The following ERG variants were observed in gnomAD, a reference collection of about 807,000 sequenced individuals.
The protein encoded by ERG is transcriptional regulator ERG.
A neutral mutation model predicts 55.3 loss-of-function variants in ERG; 9 were observed. That is an observed-to-expected ratio of 0.16 (90% CI 0.10 to 0.28). The LOEUF is 0.28. Among genes scored for constraint, ERG ranks in the 10% least tolerant of loss-of-function variants. The pLI is 1.00. For missense variants in ERG, 434 were observed against 631.6 expected (o/e 0.69, Z 3.35); for synonymous variants, 223 against 237.3 (o/e 0.94, Z 0.55).
chr21:38,587,799 G>A (rs1450634211), upstream of ERG, among the ~76,000 whole-genome samples: 3 of 152,192 alleles, frequency 2.0e-5, no homozygotes, highest in African/African-American at 7.2e-5. Flanking sequence ...AGTTTTAAAA[G>A]CGTGAACTAA....
chr21:38,499,831 G>A, upstream of ERG, among the ~76,000 whole-genome samples: 1 of 143,470 alleles, frequency 7.0e-6, no homozygotes, highest in East Asian at 2.2e-4. Flanking sequence ...AAGGAAGGAG[G>A]ATGGGAGGAA....
At chr21:38,446,886 C>A (rs1388993087) in intron 1 of ERG, among the ~76,000 whole-genome samples, 1 of 152,098 alleles carries the variant, frequency 6.6e-6, no homozygotes, top group Non-Finnish European at 1.5e-5. Flanking sequence ...TACCATCTGC[C>A]TTCTCCTTGC....
chr21:38,568,886 C>G (rs1346739206), intron 2 of ERG, among the ~76,000 whole-genome samples: 1 of 152,208 alleles, frequency 6.6e-6, no homozygotes, highest in Non-Finnish European at 1.5e-5. Flanking sequence ...CTGGAAGAGA[C>G]AGCAAGGTGT....
intron 1 of ERG, among the ~76,000 whole-genome samples, chr21:38,625,915 CTTTTTTTTT>C (rs397797559): frequency 2.4e-5 from 2 of 84,430 alleles, no homozygotes; most frequent in African/African-American, 5.0e-5. Context: ...ACTTGAAGCT[CTTTTTTTTT>C]TTTTTTTTTT....
chr21:38,426,990 C>T (rs1421018624), intron 2 of ERG, among the ~76,000 whole-genome samples: 2 of 151,974 alleles, frequency 1.3e-5, no homozygotes, highest in Non-Finnish European at 2.9e-5. Flanking sequence ...TTCAGACCAA[C>T]CCCTTTTTCA....
intron 6 of ERG, among the ~76,000 whole-genome samples, chr21:38,399,678 T>A (rs1452229541): frequency 6.6e-6 from 1 of 152,324 alleles, no homozygotes; most frequent in East Asian, 1.9e-4. Context: ...TAATTCCCCT[T>A]TGCCATGTGG....
At chr21:38,403,302 G>A (rs1015310014) in intron 4 of ERG, among the ~76,000 whole-genome samples, 10 of 152,116 alleles carry the variant, frequency 6.6e-5, no homozygotes, top group Admixed American at 4.6e-4. Flanking sequence ...TCCTGAGAGC[G>A]CTGACTACTT....
At chr21:38,656,380 A>T (rs2060519136) in intron 1 of ERG, among the ~76,000 whole-genome samples, 1 of 152,150 alleles carries the variant, frequency 6.6e-6, no homozygotes, top group African/African-American at 2.4e-5. Flanking sequence ...TAAGTAACAG[A>T]TTTACTAAGA....
At chr21:38,428,302 T>G (rs1338132630) in intron 2 of ERG, among the ~76,000 whole-genome samples, 2 of 152,186 alleles carry the variant, frequency 1.3e-5, no homozygotes, top group Admixed American at 6.5e-5. Flanking sequence ...CAAGAAAAGA[T>G]CCACACTGCA....
At position 38,392,391 on chromosome 21, in the gene ERG, TG is replaced by T; in HGVS notation, c.798del (p.Thr267ArgfsTer24). On this transcript the variant is annotated frameshift_variant, in exon 7 of 10. Coordinates refer to ENST00000288319, the MANE Select transcript of ERG (RefSeq NM_182918.4). LOFTEE classifies it high-confidence loss of function. Reference protein sequence around the residue: ...RRSAWTGHGHPTPQSKAAQPS... With the variant: ...RRSAWTGHGHXTPQSKAAQPS... The stretch of plus-strand genomic sequence containing the variant: ...AACACTGTACCTTTCGACTGGGGCG[TG>T]GGGTGGCCGTGACCGGTCCAGGCTG... The T allele has an allele frequency of 6.4e-7, 1 of 1,567,208 alleles. No homozygotes were observed. The highest frequency in any genetic ancestry group is 8.7e-7 in the Non-Finnish European group (1 of 1,154,282).
chr21:38,390,014 C>T (rs1351152196), intron 9 of ERG, among the ~76,000 whole-genome samples: 10 of 152,174 alleles, frequency 6.6e-5, no homozygotes, highest in African/African-American at 1.4e-4. Flanking sequence ...TTGGCCTCAA[C>T]GTTTAGGAAA....
upstream of ERG, among the ~76,000 whole-genome samples, chr21:38,499,049 C>T (rs1371863103): frequency 2.6e-5 from 4 of 152,190 alleles, no homozygotes; most frequent in African/African-American, 9.7e-5. Flanking sequence ...CTTCCAAATA[C>T]CTGCACTTTT....
At chr21:38,518,002 T>C (rs1462083642) in intron 2 of ERG, among the ~76,000 whole-genome samples, 1 of 152,058 alleles carries the variant, frequency 6.6e-6, no homozygotes, top group Non-Finnish European at 1.5e-5. Context: ...GGTACAAACA[T>C]ACAGTTAGAT....
At chr21:38,597,476 C>CACACAA (rs758100787) in intron 1 of ERG, among the ~76,000 whole-genome samples, 15 of 151,294 alleles carry the variant, frequency 9.9e-5, no homozygotes, top group Non-Finnish European at 1.3e-4. Flanking sequence ...TATATCTACA[C>CACACAA]ACACACACAC....
At chr21:38,518,234 GTGTATCTATCTATCTATC>G (rs995542744) in intron 2 of ERG, among the ~76,000 whole-genome samples, 2 of 134,972 alleles carry the variant, frequency 1.5e-5, no homozygotes, top group African/African-American at 5.5e-5. Context: ...ATGTGTGTGT[GTGTATCTATCTATCTATC>G]TATCTATCTA....
chr21:38,383,934 C>A lies in ERG; in HGVS notation c.920-11G>T. 1 of 1,604,998 alleles carries A rather than the reference C, an allele frequency of 6.2e-7. No homozygotes were observed. The highest frequency in any genetic ancestry group is 1.1e-5 in the South Asian group (1 of 90,552). On this transcript the variant is annotated splice_polypyrimidine_tract_variant and intron_variant, in intron 9 of 9. Coordinates refer to ENST00000288319, the MANE Select transcript of ERG (RefSeq NM_182918.4). The surrounding 1 kb of genome is among the most constrained non-coding windows in gnomAD (Gnocchi z 5.7). ...GGATCTGGCCACTGCCTAATGAGGT[C>A]AGGAGAGGAAGGAAAACTCCAGTGA... is the stretch of plus-strand genomic sequence containing the variant.
chr21:38,371,674 C>T, the ERG span, among the ~76,000 whole-genome samples: 31 of 151,832 alleles, frequency 2.0e-4, no homozygotes, highest in Non-Finnish European at 3.2e-4. Flanking sequence ...ATTGATTTCC[C>T]GATATTAACC....
At chr21:38,565,540 C>T (rs1043284769) in intron 2 of ERG, among the ~76,000 whole-genome samples, 3 of 152,140 alleles carry the variant, frequency 2.0e-5, no homozygotes, top group Admixed American at 6.5e-5. Flanking sequence ...GTCTCCTTGC[C>T]GTTACTTGAA....
At chr21:38,373,627 T>C in the ERG span, among the ~76,000 whole-genome samples, 2 of 152,314 alleles carry the variant, frequency 1.3e-5, no homozygotes, top group South Asian at 4.1e-4. Context: ...TAGCTACATG[T>C]TTTAAGATGT....
Sources: allele counts gnomAD v4.1 joint callset (sites outside exome capture counted in the v4.1 genomes callset), GRCh38; gene constraint gnomAD v4.1.1; non-coding constraint Gnocchi (gnomAD v3.1); transcripts MANE v1.5; gene names NCBI Gene and HGNC (gene_info 2026-07-23, HGNC 2026-07-21).